The following BRDT variants were observed in gnomAD, a reference collection of about 807,000 sequenced individuals.
BRDT encodes bromodomain testis associated, also known as bromodomain testis-specific protein.
BRDT carries 77 observed loss-of-function variants against 113.9 expected under a neutral mutation model. That is an observed-to-expected ratio of 0.68 (90% CI 0.56 to 0.82). The LOEUF (loss-of-function observed/expected upper bound fraction) is 0.82, where lower values mean the gene tolerates loss of function less well. Among genes scored for constraint, BRDT ranks in the 40% least tolerant of loss-of-function variants. The pLI, the probability that BRDT is intolerant of heterozygous loss-of-function variation, is 0.00. For synonymous variants in BRDT, 358 were observed against 366.5 expected (o/e 0.98, Z 0.26); for missense variants, 1,027 against 1,105.4 (o/e 0.93, Z 1.01).
At position 91,968,155 on chromosome 1, in the gene BRDT, G is replaced by T; in HGVS notation, c.340G>T (p.Asp114Tyr). The T allele has an allele frequency of 6.2e-7, 1 of 1,613,844 alleles. No homozygotes were observed. Among genetic ancestry groups the T allele is most frequent in the South Asian group, 1.1e-5 (1 of 91,046 alleles). The change falls in exon 4 of 19, where the codon GAC becomes TAC. Residue 114 changes from aspartate to tyrosine, a missense_variant. Physicochemically the swap from Asp to Tyr is radical, Grantham distance 160. Transcript: ENST00000399546. The part of the protein sequence containing the change: ...NCYLYNKPGD[D>Y]IVLMAQALEK... ...TTAATATATTTTGTAGCCTGGAGAT[G>T]ACATTGTTCTTATGGCACAAGCTCT...
At position 91,977,228 on chromosome 1, in the gene BRDT, A is replaced by G. The variant is rs1340807336; in HGVS notation, c.804A>G (p.Lys268=). ...QQQYNVVKTV[K]VTEQLRHCSE... Reference sequence around the variant, plus strand: ...AATATAATGTTGTGAAGACTGTTAAAGTAACTGAACAATTAAGGCACTGTA... The same window carrying G: ...AATATAATGTTGTGAAGACTGTTAAGGTAACTGAACAATTAAGGCACTGTA... Residue 268 remains lysine, a synonymous_variant, in exon 6 of 19, where the codon AAA becomes AAG. Transcript: ENST00000399546. 1.9e-6 allele frequency: 3 copies of G among 1,613,996 alleles called. No homozygotes were observed. The Admixed American group carries it at 5.0e-5, about 27-fold the overall frequency.
At chr1:91,998,757 G>C (rs1275643651) in intron 15 of BRDT, among the ~76,000 whole-genome samples, 1 of 152,064 alleles carries the variant, frequency 6.6e-6, no homozygotes, top group Non-Finnish European at 1.5e-5. Context: ...CATTTGAGCT[G>C]GATAGTGCAG....
At chr1:92,002,179 C>G in intron 16 of BRDT, 30 bp downstream of exon 16, 1 of 1,501,458 alleles carries the variant, frequency 6.7e-7, no homozygotes, top group Non-Finnish European at 9.2e-7. Context: ...TCTAACAAAT[C>G]TTGAAGGGAT....
chr1:91,981,429 G>T (rs781328946), intron 11 of BRDT, 48 bp downstream of exon 11: 11 of 1,509,844 alleles, frequency 7.3e-6, no homozygotes, highest in Admixed American at 1.8e-5. Context: ...TATGTATGTA[G>T]AGACAGGGTC....
chr1:91,960,016 T>C (rs922756897), intron 1 of BRDT, among the ~76,000 whole-genome samples: 4 of 152,210 alleles, frequency 2.6e-5, no homozygotes, highest in Non-Finnish European at 5.9e-5. Context: ...CTCATACCTA[T>C]TAGGATGGCT....
chr1:91,992,788 A>G (rs1056836259), intron 14 of BRDT, among the ~76,000 whole-genome samples: 1 of 152,138 alleles, frequency 6.6e-6, no homozygotes, highest in African/African-American at 2.4e-5. Flanking sequence ...CACTCACCTC[A>G]GCCTCCCAAA....
intron 12 of BRDT, among the ~76,000 whole-genome samples, chr1:91,990,302 A>G (rs1377282296): frequency 1.3e-5 from 2 of 152,236 alleles, no homozygotes; most frequent in Admixed American, 6.5e-5. Flanking sequence ...CAAATAGCTT[A>G]GAAGTATTTA....
chr1:91,958,492 A>ACCCCAAAGTG (rs1682051041), intron 1 of BRDT, among the ~76,000 whole-genome samples: 1 of 152,168 alleles, frequency 6.6e-6, no homozygotes, highest in Non-Finnish European at 1.5e-5. Context: ...TTGGGATTAC[A>ACCCCAAAGTG]GGTGTGAGCC....
chr1:91,950,684 C>CCT (rs745690530), intron 1 of BRDT: 6 of 80,418 alleles, frequency 7.5e-5, no homozygotes, highest in African/African-American at 2.9e-4. Flanking sequence ...TGGATAATTG[C>CCT]TTTTTTTTTT....
intron 1 of BRDT, among the ~76,000 whole-genome samples, chr1:91,953,841 A>T (rs527606507): frequency 9.3e-4 from 142 of 152,300 alleles, no homozygotes; most frequent in Admixed American, 3.5e-3. Context: ...ATCATTTATG[A>T]TACATTGTTT....
chr1:91,962,641 C>T (rs1403450766), intron 1 of BRDT, 77 bp from the exon 2 acceptor site: 8 of 886,024 alleles, frequency 9.0e-6, no homozygotes, highest in South Asian at 7.2e-5. Flanking sequence ...GCTTCTGTTA[C>T]TCTTGAATAA....
chr1:91,984,287 C>G (rs1206906966), intron 12 of BRDT, among the ~76,000 whole-genome samples: 2 of 151,946 alleles, frequency 1.3e-5, no homozygotes, highest in Non-Finnish European at 2.9e-5. Context: ...TTTAAAGGCT[C>G]TTAATTTCTA....
chr1:91,980,331 ACCTGGGTG>A (rs1684597364), intron 8 of BRDT, among the ~76,000 whole-genome samples: 3 of 15,948 alleles, frequency 1.9e-4, no homozygotes, highest in Admixed American at 1.0e-3. Flanking sequence ...CCGCACTCCC[ACCTGGGTG>A]ACAGAGCAAG....
chr1:91,961,197 G>C (rs1277306867), intron 1 of BRDT, among the ~76,000 whole-genome samples: 1 of 152,152 alleles, frequency 6.6e-6, no homozygotes, highest in Non-Finnish European at 1.5e-5. Context: ...TGTAATCCCA[G>C]CTACTCAGGA....
In BRDT at chr1:91,981,386, G is replaced by C. The variant is rs1684712275; in HGVS notation, c.1864+5G>C. The C allele has an allele frequency of 1.9e-6, 3 of 1,605,914 alleles. No individual in the cohort carries two copies. The South Asian group carries it at 3.3e-5, about 18-fold the overall frequency. Reference sequence around the variant, plus strand: ...CTAGAAAACGTCAAACAAAATGTAGGTGGCAGTTTTTGTTTGTTTGTATGT... The same window carrying C: ...CTAGAAAACGTCAAACAAAATGTAGCTGGCAGTTTTTGTTTGTTTGTATGT... On this transcript the variant is annotated splice_donor_5th_base_variant and intron_variant, in intron 11 of 18. Transcript: ENST00000399546.
At chr1:91,968,303 T>C (rs2101605953) in intron 4 of BRDT, 43 bp downstream of exon 4, 2 of 1,598,658 alleles carry the variant, frequency 1.3e-6, no homozygotes, top group South Asian at 1.1e-5. Flanking sequence ...TCTCTTTTTT[T>C]CCCCTATCTA....
In BRDT at chr1:91,964,905, A is replaced by G. The variant is rs60349716; in HGVS notation, c.330+141A>G. 2.0e-3 allele frequency: 765 copies of G among 387,666 alleles called. 3 individuals carry two copies. The highest frequency in any genetic ancestry group is 0.011 in the African/African-American group (502 of 44,700). The allele number at this position is 387,666 out of a possible 1,614,324, so 24.0% of individuals were successfully genotyped here. A position where few individuals can be genotyped will look rare whatever the true frequency, so the allele number is the denominator to read the frequency against. ...TGTGTGTGTGTGTGTGTGTGTGTGTATATAATTTTTTTTTTTTTTTTTGAG... is the reference window on the plus strand; with the variant it reads ...TGTGTGTGTGTGTGTGTGTGTGTGTGTATAATTTTTTTTTTTTTTTTTGAG... On this transcript the variant is annotated intron_variant, in intron 3 of 18. Transcript: ENST00000399546.
intron 12 of BRDT, among the ~76,000 whole-genome samples, chr1:91,984,341 C>T (rs1036639966): frequency 1.3e-5 from 2 of 151,868 alleles, no homozygotes; most frequent in Admixed American, 6.6e-5. Flanking sequence ...GGAACAACAA[C>T]ACACACAAAA....
At chr1:91,964,888 TG>T in intron 3 of BRDT, 124 bp downstream of exon 3, 1 of 514,378 alleles carries the variant, frequency 1.9e-6, no homozygotes, top group Non-Finnish European at 3.0e-6. Context: ...CGTGTGTGTG[TG>T]TGTGTGTGTG....
Sources: gnomAD v4.1 joint callset for allele counts (sites outside exome capture counted in the v4.1 genomes callset) on GRCh38, gnomAD v4.1.1 for gene constraint, MANE v1.5 for transcripts, NCBI Gene and HGNC (gene_info 2026-07-23, HGNC 2026-07-21) for gene names.